PTCH2: variants seen among roughly 807,000 people sequenced by gnomAD.
PTCH2 encodes patched 2.
Under a neutral mutation model 117.9 loss-of-function variants are expected in PTCH2, and 96 were observed. The observed-to-expected ratio is 0.81, with a 90% confidence interval of 0.69 to 0.96. The LOEUF (loss-of-function observed/expected upper bound fraction) is 0.96. Ranked by LOEUF, PTCH2 falls within the 50% of genes least tolerant of loss-of-function variation. The pLI is 0.00. For missense variants in PTCH2, 1,379 were observed against 1,562.5 expected, an observed-to-expected ratio of 0.88 and a Z score of 1.98; for synonymous variants, 615 against 660.9, an observed-to-expected ratio of 0.93 and a Z score of 1.06.
At position 44,840,723 on chromosome 1, in the gene PTCH2, CAAAA is replaced by C. The variant is rs369612085; in HGVS notation, c.265+1120_265+1123del. Reference sequence around the variant, plus strand: ...GTGAGACTCTGTCTCAAAAAAAAAACAAAAAACCAAAAACCCAAAAATTATCAGG... The same window carrying C: ...GTGAGACTCTGTCTCAAAAAAAAAACAACCAAAAACCCAAAAATTATCAGG... On this transcript the variant is annotated intron_variant, in intron 2 of 21. Transcript: ENST00000372192. Among the ~76,000 whole-genome samples, 708 of 150,482 alleles carry C rather than the reference CAAAA, an allele frequency of 4.7e-3. 2 individuals are homozygous for C. Among genetic ancestry groups the C allele is most frequent in the Non-Finnish European group, 7.1e-3 (479 of 67,430 alleles).
Position 44,822,406 on chromosome 1 carries a change from G to C in PTCH2, c.*9C>G. On this transcript the variant is annotated 3_prime_UTR_variant, in exon 22 of 22. Transcript: ENST00000372192. ...CCCCACACATGGTCTCTGTGCTTCA[G>C]CTGCTCTTTCACCCAGTGGCTGGAC... 6.2e-7 allele frequency: 1 copy of C among 1,613,544 alleles called. No homozygotes were observed.
At position 44,830,998 on chromosome 1, in the gene PTCH2, C is replaced by A; in HGVS notation, c.663G>T (p.Leu221=). Residue 221 remains leucine (L), a synonymous_variant, in exon 6 of 22, where the codon CTG becomes CTT. Coordinates refer to ENST00000372192, the MANE Select transcript of PTCH2 (RefSeq NM_003738.5). ...AGGCAAAGGGACCCAGCTCCTCCAG[C>A]AGCTGCTCTGGATCCAGGTTGGTCC... is the stretch of plus-strand genomic sequence containing the variant. The part of the protein sequence containing the change: ...IQWTNLDPEQ[L]LEELGPFASL... 6.2e-7 allele frequency: 1 copy of A among 1,612,370 alleles called. No individual in the cohort carries two copies.
chr1:44,823,141 G>A lies in PTCH2; in HGVS notation c.3285C>T (p.Leu1095=), dbSNP rs751618295. The A allele has an allele frequency of 3.1e-6, 5 of 1,614,104 alleles. No homozygotes were observed. Among genetic ancestry groups the A allele is most frequent in the East Asian group, 2.2e-5 (1 of 44,888 alleles). ...VRYFFAALTV[L]TLLGLLHGLV... ...GTCCATGGAGGAGGCCCAGGAGCGT[G>A]AGCACTGTCAGCGCCGCAAAGAAGT... The change falls in exon 21 of 22, where the codon CTC becomes CTT. Residue 1095 remains leucine, a synonymous_variant. Transcript: ENST00000372192. The surrounding 1 kb of genome is among the most constrained non-coding windows in gnomAD (Gnocchi z 5.1).
At position 44,827,964 on chromosome 1, in the gene PTCH2, A is replaced by G; in HGVS notation, c.1937T>C (p.Leu646Pro). ...FSPGGSTRDLLGQEEETRQKA... is the reference protein window; with the variant it reads ...FSPGGSTRDLPGQEEETRQKA... ...CTGCCTTGTCTCCTCCTCCTGGCCT[A>G]GAAGGTCCCGTGTGGACCCTCCAGG... The change falls in exon 14 of 22, where the codon CTA (leucine) becomes CCA (proline). Residue 646 changes from leucine to proline, a missense_variant. Transcript: ENST00000372192. 1 of 1,614,198 alleles carries G rather than the reference A, an allele frequency of 6.2e-7. No individual in the cohort carries two copies. The highest frequency in any genetic ancestry group is 8.5e-7 in the Non-Finnish European group (1 of 1,180,044).
intron 2 of PTCH2, among the ~76,000 whole-genome samples, chr1:44,840,936 C>G (rs545244716): frequency 6.6e-6 from 1 of 150,720 alleles, no homozygotes; most frequent in Non-Finnish European, 1.5e-5. Flanking sequence ...TGGTGGCGCA[C>G]GCCTGTAATC....
Position 44,830,356 on chromosome 1 carries a change from A to C in PTCH2, c.814-326T>G, listed in dbSNP as rs149754526. On this transcript the variant is annotated intron_variant, in intron 6 of 21. Transcript: ENST00000372192. ...ATTCATGCTTACCTGCTGTGTTCTT[A>C]GTTTCCCTGTATTAGTCTATTTTGA... Among the ~76,000 whole-genome samples the C allele has an allele frequency of 7.2e-5, 11 of 152,212 alleles. No homozygotes were observed. The East Asian group carries it at 2.1e-3, about 29-fold the overall frequency.
chr1:44,843,062 GGA>G lies in PTCH2; in HGVS notation c.-132_-131del. ...GTGGGGCCGCCAAGGCGCGGGCGTG[GGA>G]GAGACTGTGGGGTGTGGGTGTTAAA... On this transcript the variant is annotated 5_prime_UTR_variant, in exon 1 of 22. Coordinates refer to ENST00000372192, the MANE Select transcript of PTCH2 (RefSeq NM_003738.5). 7.0e-7 allele frequency: 1 copy of G among 1,428,426 alleles called. No individual in the cohort carries two copies. Among genetic ancestry groups the G allele is most frequent in the Non-Finnish European group, 9.1e-7 (1 of 1,096,042 alleles). 88.5% of individuals were successfully genotyped at this position (1,428,426 alleles called of 1,614,324 possible).
rs774804771 is a variant in PTCH2 at position 44,823,326 on chromosome 1, T to C, written c.3174A>G (p.Thr1058=). 7 of 1,613,960 alleles carry C rather than the reference T, an allele frequency of 4.3e-6. No homozygotes were observed. In the South Asian group the frequency reaches 4.4e-5, roughly 10 times the overall value. ...NLRAAHALEH[T]FAPVTDGAIS... Reference sequence around the variant, plus strand: ...TGGCCCCATCGGTCACGGGGGCAAATGTGTGCTCAAGGGCATGGGCGGCCC... The same window carrying C: ...TGGCCCCATCGGTCACGGGGGCAAACGTGTGCTCAAGGGCATGGGCGGCCC... Residue 1058 remains threonine, a synonymous_variant, in exon 20 of 22, where the codon ACA becomes ACG. Transcript: ENST00000372192. This position sits in a 1 kb window ranked among gnomAD's most constrained non-coding sequence, Gnocchi z 5.1.
Position 44,827,025 on chromosome 1 carries a change from T to C in PTCH2, c.2572A>G (p.Met858Val), listed in dbSNP as rs374498312. 6.2e-6 allele frequency: 10 copies of C among 1,613,964 alleles called. No individual in the cohort carries two copies. The African/African-American group carries it at 8.0e-5, about 13-fold the overall frequency. Residue 858 changes from methionine (M) to valine (V), a missense_variant, in exon 17 of 22, where the codon ATG becomes GTG. Physicochemically the swap from Met to Val is conservative, Grantham distance 21. Transcript: ENST00000372192. ...EGLIPPELFY[M>V]GLTVWVSSDP... ...CTGCTCACCCACACGGTCAGCCCCA[T>C]GTAGAAGAGCTCGGGTGGAATCAGT...
At chr1:44,822,717 C>T in intron 21 of PTCH2, 48 bp from the exon 22 acceptor site, 3 of 1,576,732 alleles carry the variant, frequency 1.9e-6, no homozygotes, top group Non-Finnish European at 2.6e-6. Context: ...CCTGGGGCTC[C>T]CGTCCCCTTT....
Position 44,830,024 on chromosome 1 carries a change from T to C in PTCH2, c.820A>G (p.Asn274Asp). 6.2e-7 allele frequency: 1 copy of C among 1,614,038 alleles called. No homozygotes were observed. The highest frequency in any genetic ancestry group is 8.5e-7 in the Non-Finnish European group (1 of 1,179,988). ...CCCCCACTCAGCTCGTGAGCCACAT[T>C]GGGAGCCTGGAGGGGAACAGGAGGG... is the stretch of plus-strand genomic sequence containing the variant. ...APNHHSRQAP[N>D]VAHELSGGCH... The change falls in exon 7 of 22, where the codon AAT (asparagine) becomes GAT (aspartate). Residue 274 changes from asparagine to aspartate, a missense_variant. By Grantham distance (23) the Asn-to-Asp change is conservative. Coordinates refer to ENST00000372192, the MANE Select transcript of PTCH2 (RefSeq NM_003738.5).
intron 2 of PTCH2, 26 bp from the exon 3 acceptor site, chr1:44,832,367 G>A: frequency 6.2e-7 from 1 of 1,612,946 alleles, no homozygotes; most frequent in Non-Finnish European, 8.5e-7. Context: ...GAGAAAGCTG[G>A]GGGGGAAAGG....
intron 1 of PTCH2, among the ~76,000 whole-genome samples, chr1:44,842,299 A>G (rs1341915478): frequency 6.6e-5 from 6 of 90,450 alleles, no homozygotes; most frequent in Non-Finnish European, 1.3e-4. Context: ...TTTTTTTTTG[A>G]GACGCAGTCT....
chr1:44,819,977 T>G, downstream of PTCH2: 1 of 155,124 alleles, frequency 6.4e-6, no homozygotes, highest in Non-Finnish European at 1.4e-5. Flanking sequence ...ATTTATGCGC[T>G]TTGAAGAGAA....
chr1:44,837,240 T>TATTTA (rs1429274811), intron 2 of PTCH2, among the ~76,000 whole-genome samples: 1 of 152,004 alleles, frequency 6.6e-6, no homozygotes, highest in African/African-American at 2.4e-5. Flanking sequence ...AGCATTCTAT[T>TATTTA]ATTTAATTTA....
chr1:44,843,224 A>G lies in PTCH2; in HGVS notation c.-292T>C, dbSNP rs1052000864. ...GCGCAGGCGGAATTGCTGGCCCGAG[A>G]CGCACAGCAGGGCTCGAGGTGGCAA... On this transcript the variant is annotated 5_prime_UTR_variant, in exon 1 of 22. Transcript: ENST00000372192. 5.0e-5 allele frequency: 49 copies of G among 985,228 alleles called. No homozygotes were observed. Among genetic ancestry groups the G allele is most frequent in the Non-Finnish European group, 5.8e-5 (48 of 829,902 alleles). The allele number at this position is 985,228 out of a possible 1,614,324, so 61.0% of individuals were successfully genotyped here.
At position 44,830,587 on chromosome 1, in the gene PTCH2, C is replaced by CAAAAAAAAAAAAAA. The variant is rs768951349; in HGVS notation, c.813+247_813+260dup. The stretch of plus-strand genomic sequence containing the variant: ...CCAGCCTGGGTGACAGAGTGAGACT[C>CAAAAAAAAAAAAAA]AAAAAAAAAAAAAAAAAGAAGTCCA... On this transcript the variant is annotated intron_variant, in intron 6 of 21. Coordinates refer to ENST00000372192, the MANE Select transcript of PTCH2 (RefSeq NM_003738.5). 1.1e-3 allele frequency among the ~76,000 whole-genome samples: 74 copies of CAAAAAAAAAAAAAA among 65,134 alleles called. 5 individuals carry two copies. Among genetic ancestry groups the CAAAAAAAAAAAAAA allele is most frequent in the East Asian group, 2.7e-3 (5 of 1,854 alleles). The allele number at this position is 65,134 out of a possible 152,430, so 42.7% of individuals were successfully genotyped here. A position where few individuals can be genotyped will look rare whatever the true frequency, so the allele number is the denominator to read the frequency against.
Position 44,826,793 on chromosome 1 carries a change from AGAGG to A in PTCH2, c.2696-29_2696-26del. 2 of 1,602,474 alleles carry A rather than the reference AGAGG, an allele frequency of 1.2e-6. No homozygotes were observed. The highest frequency in any genetic ancestry group is 1.7e-6 in the Non-Finnish European group (2 of 1,172,438). On this transcript the variant is annotated intron_variant, in intron 17 of 21. Coordinates refer to ENST00000372192, the MANE Select transcript of PTCH2 (RefSeq NM_003738.5). This position sits in a 1 kb window ranked among gnomAD's most constrained non-coding sequence, Gnocchi z 5.1. Reference sequence around the variant, plus strand: ...ACTGTGGAGGGGAGGGGAAGGGAGAAGAGGGAGAGGGACAGGGCGGTGAGCACGG... The same window carrying A: ...ACTGTGGAGGGGAGGGGAAGGGAGAAGAGAGGGACAGGGCGGTGAGCACGG...
intron 2 of PTCH2, among the ~76,000 whole-genome samples, chr1:44,835,990 C>T (rs986726787): frequency 5.9e-5 from 9 of 152,068 alleles, no homozygotes; most frequent in African/African-American, 1.9e-4. Flanking sequence ...TGGAAGGGCA[C>T]TAAGAAGGGG....
Sources: gnomAD v4.1 joint callset for allele counts (sites outside exome capture counted in the v4.1 genomes callset) on GRCh38, gnomAD v4.1.1 for gene constraint, Gnocchi (gnomAD v3.1) non-coding constraint, MANE v1.5 for transcripts, NCBI Gene and HGNC (gene_info 2026-07-23, HGNC 2026-07-21) for gene names.